MALRD1: variants seen among roughly 807,000 people sequenced by gnomAD.
The protein encoded by MALRD1 is MAM and LDL-receptor class A domain-containing protein 1.
A neutral mutation model predicts 242.1 loss-of-function variants in MALRD1; 247 were observed. The observed-to-expected ratio is 1.02, with a 90% confidence interval of 0.92 to 1.13. The LOEUF (loss-of-function observed/expected upper bound fraction) is 1.13. Among genes scored for constraint, MALRD1 ranks in the 50% most tolerant of loss-of-function variants. The pLI is 0.00. For missense variants in MALRD1, 2,989 were observed against 2,533.1 expected (o/e 1.18, Z -3.86); for synonymous variants, 995 against 866.6 (o/e 1.15, Z -2.60).
chr10:19,576,581 A>G (rs1365229989), intron 33 of MALRD1, among the ~76,000 whole-genome samples: 1 of 152,174 alleles, frequency 6.6e-6, no homozygotes, highest in African/African-American at 2.4e-5. Flanking sequence ...TGCCTACTAA[A>G]TAAGTTTCTT....
intron 21 of MALRD1, among the ~76,000 whole-genome samples, chr10:19,304,473 A>C (rs1842085587): frequency 6.6e-6 from 1 of 151,756 alleles, no homozygotes; most frequent in Admixed American, 6.6e-5. Flanking sequence ...ACATTTGTAC[A>C]AGTCAAATAT....
At chr10:19,386,236 G>T (rs1469209119) in intron 26 of MALRD1, among the ~76,000 whole-genome samples, 2 of 152,200 alleles carry the variant, frequency 1.3e-5, no homozygotes, top group African/African-American at 4.8e-5. Flanking sequence ...GCCGTTTCCA[G>T]CTCCCAGAAA....
Position 19,524,466 on chromosome 10 carries a change from GAA to G in MALRD1, c.5321-6717_5321-6716del, listed in dbSNP as rs374439190. Among the ~76,000 whole-genome samples the G allele has an allele frequency of 2.1e-3, 297 of 144,552 alleles. 1 individual carries two copies. Among genetic ancestry groups the G allele is most frequent in the African/African-American group, 7.2e-3 (286 of 39,590 alleles). The allele number at this position is 144,552 out of a possible 152,430, so 94.8% of individuals were successfully genotyped here. On this transcript the variant is annotated intron_variant, in intron 31 of 39. Coordinates refer to ENST00000454679, the MANE Select transcript of MALRD1 (RefSeq NM_001142308.3). ...CACTGCAGCCTGGGAGACAGAGTAA[GAA>G]AAAAAAAAAATTGCAGATGCACGTT...
chr10:19,390,607 T>C (rs747777896), intron 28 of MALRD1, among the ~76,000 whole-genome samples: 22 of 152,150 alleles, frequency 1.4e-4, no homozygotes, highest in Non-Finnish European at 2.9e-4. Context: ...TGTGTATTTA[T>C]TTGAAGAATC....
intron 24 of MALRD1, among the ~76,000 whole-genome samples, chr10:19,341,446 AT>A (rs1331006594): frequency 3.9e-5 from 5 of 129,072 alleles, no homozygotes; most frequent in African/African-American, 1.4e-4. Context: ...ATGTATATAT[AT>A]ATATGTGTAT....
chr10:19,088,094 G>A lies in MALRD1; in HGVS notation c.506G>A (p.Gly169Asp). The A allele has an allele frequency of 3.2e-6, 4 of 1,233,512 alleles. No homozygotes were observed. Among genetic ancestry groups the A allele is most frequent in the Non-Finnish European group, 4.0e-6 (4 of 987,884 alleles). 76.4% of individuals were successfully genotyped at this position (1,233,512 alleles called of 1,614,324 possible). The change falls in exon 4 of 40, where the codon GGT becomes GAT. Residue 169 changes from glycine (G) to aspartate (D), a missense_variant. Coordinates refer to ENST00000454679, the MANE Select transcript of MALRD1 (RefSeq NM_001142308.3). ...LMVGLQTACG[G>D]PIQHLWQNTA... ...GTTGGGCTTCAAACTGCATGTGGAG[G>A]TCCTATTCAGCATTTATGGCAAAAC...
At chr10:19,132,958 C>T (rs574104141) in intron 8 of MALRD1, among the ~76,000 whole-genome samples, 10 of 151,958 alleles carry the variant, frequency 6.6e-5, no homozygotes, top group African/African-American at 1.7e-4. Context: ...TTTTTTGAGA[C>T]GAATTCATGC....
chr10:19,359,151 T>A (rs1844778441), intron 26 of MALRD1, among the ~76,000 whole-genome samples: 1 of 152,146 alleles, frequency 6.6e-6, no homozygotes, highest in African/African-American at 2.4e-5. Flanking sequence ...GTTGGCTGGA[T>A]ATGATGTGTG....
chr10:19,370,820 G>C (rs1010991374), intron 26 of MALRD1, among the ~76,000 whole-genome samples: 3 of 152,032 alleles, frequency 2.0e-5, no homozygotes, highest in Non-Finnish European at 2.9e-5. Flanking sequence ...CAAGTAATCT[G>C]CCTGCCTTGG....
At chr10:19,535,549 A>G (rs1336152525) in intron 32 of MALRD1, among the ~76,000 whole-genome samples, 5 of 150,260 alleles carry the variant, frequency 3.3e-5, no homozygotes, top group East Asian at 1.9e-4. Context: ...ATACATATAT[A>G]TACACATATG....
At chr10:19,411,677 A>G (rs1833280928) in intron 28 of MALRD1, among the ~76,000 whole-genome samples, 1 of 152,170 alleles carries the variant, frequency 6.6e-6, no homozygotes, top group South Asian at 2.1e-4. Flanking sequence ...ACTACCTGTC[A>G]AGGTTTAGGA....
chr10:19,695,088 G>A (rs1833305801), intron 38 of MALRD1, among the ~76,000 whole-genome samples: 1 of 152,062 alleles, frequency 6.6e-6, no homozygotes, highest in South Asian at 2.1e-4. Flanking sequence ...GGGGCTAGTG[G>A]GGAGGCATAG....
chr10:19,341,496 ATATATGTATATATATGTGTG>A, intron 24 of MALRD1, among the ~76,000 whole-genome samples: 1 of 142,898 alleles, frequency 7.0e-6, no homozygotes, highest in African/African-American at 2.7e-5. Context: ...ATATATATGT[ATATATGTATATATATGTGTG>A]TATATATGTA....
intron 18 of MALRD1, among the ~76,000 whole-genome samples, chr10:19,241,811 C>T (rs1006924297): frequency 2.0e-5 from 3 of 151,978 alleles, no homozygotes; most frequent in Non-Finnish European, 4.4e-5. Context: ...CTTAATGAGA[C>T]CCATTGATTT....
chr10:19,178,713 C>G (rs1467843472), intron 14 of MALRD1, among the ~76,000 whole-genome samples: 1 of 152,112 alleles, frequency 6.6e-6, no homozygotes, highest in African/African-American at 2.4e-5. Context: ...CTGTTGTATG[C>G]TCTTAATCTC....
intron 28 of MALRD1, among the ~76,000 whole-genome samples, chr10:19,422,619 G>C (rs180768835): frequency 6.6e-6 from 1 of 152,256 alleles, no homozygotes; most frequent in Admixed American, 6.5e-5. Flanking sequence ...TTCATGATTA[G>C]ATGTAGAATA....
chr10:19,067,668 C>T (rs1835022224), intron 2 of MALRD1, among the ~76,000 whole-genome samples: 1 of 151,948 alleles, frequency 6.6e-6, no homozygotes, highest in Non-Finnish European at 1.5e-5. Context: ...TCTGTCCCTC[C>T]CTAGCTGTAA....
chr10:19,145,357 G>T (rs1392875117), intron 10 of MALRD1, among the ~76,000 whole-genome samples: 2 of 152,186 alleles, frequency 1.3e-5, no homozygotes, highest in East Asian at 1.9e-4. Context: ...GAGAAGACAG[G>T]CTCAGGCTGG....
intron 36 of MALRD1, among the ~76,000 whole-genome samples, chr10:19,625,087 C>T (rs1839591024): frequency 6.7e-6 from 1 of 148,270 alleles, no homozygotes. Context: ...AGACATGAGA[C>T]ATGGTGAAAT....
Sources: gnomAD v4.1 joint callset for allele counts (sites outside exome capture counted in the v4.1 genomes callset) on GRCh38, gnomAD v4.1.1 for gene constraint, MANE v1.5 for transcripts, NCBI Gene and HGNC (gene_info 2026-07-23, HGNC 2026-07-21) for gene names.